Variants in THSD7B observed in about 807,000 individuals in gnomAD.
THSD7B encodes the protein thrombospondin type 1 domain containing 7B, also known as thrombospondin type-1 domain-containing protein 7B.
In THSD7B, 138 loss-of-function variants were observed where a neutral mutation model predicts 213.6. The ratio of observed to expected loss-of-function variants is 0.65; its 90% CI spans 0.56 to 0.74. The LOEUF (loss-of-function observed/expected upper bound fraction) is 0.74. Among genes scored for constraint, THSD7B ranks in the 30% least tolerant of loss-of-function variants. The pLI, the probability that THSD7B is intolerant of heterozygous loss-of-function variation, is 0.00. For synonymous variants in THSD7B, 742 were observed against 687.0 expected, an observed-to-expected ratio of 1.08 and a Z score of -1.25; for missense variants, 1,931 against 1,991.5, an observed-to-expected ratio of 0.97 and a Z score of 0.58.
rs183978801 is a variant in THSD7B at position 137,201,065 on chromosome 2, A to G, written c.1724-29979A>G. ...ATTTTCAAACAGCATTGTTTCCAAG[A>G]TTCATCCAGGTTGAACAGTAGTTTT... is the stretch of plus-strand genomic sequence containing the variant. On this transcript the variant is annotated intron_variant, in intron 7 of 27. Transcript: ENST00000409968. 2.0e-3 allele frequency among the ~76,000 whole-genome samples: 304 copies of G among 152,280 alleles called. 3 individuals carry two copies. The highest frequency in any genetic ancestry group is 6.8e-3 in the Middle Eastern group (2 of 294).
chr2:137,357,693 G>A (rs1370777906), intron 12 of THSD7B, among the ~76,000 whole-genome samples: 1 of 152,116 alleles, frequency 6.6e-6, no homozygotes, highest in East Asian at 1.9e-4. Flanking sequence ...TCTCTTTTGA[G>A]GACAATGCAT....
intron 10 of THSD7B, among the ~76,000 whole-genome samples, chr2:137,243,798 G>A (rs553880879): frequency 3.9e-5 from 6 of 152,186 alleles, no homozygotes; most frequent in Admixed American, 2.6e-4. Context: ...CCAGCACAAA[G>A]TTTTATAACT....
intron 15 of THSD7B, among the ~76,000 whole-genome samples, chr2:137,488,414 T>G (rs577918484): frequency 2.6e-5 from 4 of 152,314 alleles, no homozygotes; most frequent in African/African-American, 9.6e-5. Flanking sequence ...ATATGTGTCT[T>G]TTATGAGAAA....
In THSD7B at chr2:137,209,127, G is replaced by A. The variant is rs552074564; in HGVS notation, c.1724-21917G>A. 9.2e-5 allele frequency among the ~76,000 whole-genome samples: 14 copies of A among 152,120 alleles called. No homozygotes were observed. In the East Asian group the frequency reaches 2.7e-3, roughly 30 times the overall value. On this transcript the variant is annotated intron_variant, in intron 7 of 27. Coordinates refer to ENST00000409968, the MANE Select transcript of THSD7B (RefSeq NM_001316349.2). ...CAGTTTATTCCCAGGAATGACCAAG[G>A]ACAGCTTGGAGGTTAGAAGCAAGAT...
intron 2 of THSD7B, among the ~76,000 whole-genome samples, chr2:137,020,081 A>C (rs1409567581): frequency 6.6e-6 from 1 of 152,174 alleles, no homozygotes; most frequent in Non-Finnish European, 1.5e-5. Context: ...CTGTTATTAT[A>C]ACTAGCTATG....
At chr2:136,964,058 G>A (rs1345791338) in intron 2 of THSD7B, among the ~76,000 whole-genome samples, 1 of 152,134 alleles carries the variant, frequency 6.6e-6, no homozygotes, top group Non-Finnish European at 1.5e-5. Flanking sequence ...AAGAGTACAC[G>A]ATTTTTGTTG....
chr2:137,234,933 A>T (rs1681731907), intron 9 of THSD7B, among the ~76,000 whole-genome samples: 1 of 152,186 alleles, frequency 6.6e-6, no homozygotes, highest in East Asian at 1.9e-4. Flanking sequence ...ACTCTACATT[A>T]TTAGCAGTGT....
chr2:137,460,076 A>C (rs550481847), intron 15 of THSD7B, among the ~76,000 whole-genome samples: 20 of 152,280 alleles, frequency 1.3e-4, no homozygotes, highest in African/African-American at 4.8e-4. Flanking sequence ...CCTTGTCTGC[A>C]TGATACCATA....
At chr2:136,901,822 T>C (rs1684068809) in intron 2 of THSD7B, among the ~76,000 whole-genome samples, 1 of 152,248 alleles carries the variant, frequency 6.6e-6, no homozygotes, top group Non-Finnish European at 1.5e-5. Context: ...AAGCCAGCGA[T>C]GCATTAAAAG....
chr2:137,374,082 T>C (rs1048919994), intron 12 of THSD7B, among the ~76,000 whole-genome samples: 1 of 151,780 alleles, frequency 6.6e-6, no homozygotes, highest in African/African-American at 2.4e-5. Flanking sequence ...ACCAGTACCA[T>C]GCAATACTCT....
At position 137,676,647 on chromosome 2, in the gene THSD7B, C is replaced by G. The variant is rs373637940; in HGVS notation, c.*42C>G. ...AAATGTAGACATCAACTGCCTTAAC[C>G]GCTTTCTCTTTTGTAGCTCTCAGAC... is the stretch of plus-strand genomic sequence containing the variant. On this transcript the variant is annotated 3_prime_UTR_variant, in exon 28 of 28. Coordinates refer to ENST00000409968, the MANE Select transcript of THSD7B (RefSeq NM_001316349.2). The G allele has an allele frequency of 2.0e-6, 3 of 1,496,624 alleles. No homozygotes were observed. In the African/African-American group the frequency reaches 4.3e-5, roughly 21 times the overall value. The allele number at this position is 1,496,624 out of a possible 1,614,324, so 92.7% of individuals were successfully genotyped here.
rs1351623040 is a variant in THSD7B at position 137,189,801 on chromosome 2, A to C, written c.1723+18863A>C. Among the ~76,000 whole-genome samples the C allele has an allele frequency of 2.0e-5, 3 of 152,016 alleles. No individual in the cohort carries two copies. The East Asian group carries it at 5.8e-4, about 29-fold the overall frequency. Reference sequence around the variant, plus strand: ...TCCCTTCTCTCATCTGCTATTTCACACAAACTTCTTACTGCATGGCTTCAC... The same window carrying C: ...TCCCTTCTCTCATCTGCTATTTCACCCAAACTTCTTACTGCATGGCTTCAC... On this transcript the variant is annotated intron_variant, in intron 7 of 27. Coordinates refer to ENST00000409968, the MANE Select transcript of THSD7B (RefSeq NM_001316349.2).
chr2:137,498,830 T>A (rs1573664630), intron 15 of THSD7B, among the ~76,000 whole-genome samples: 1 of 152,118 alleles, frequency 6.6e-6, no homozygotes, highest in East Asian at 1.9e-4. Flanking sequence ...GAGGCCTAAG[T>A]GAGAGTGAGC....
At chr2:137,395,588 C>T (rs1686159571) in intron 12 of THSD7B, among the ~76,000 whole-genome samples, 1 of 152,128 alleles carries the variant, frequency 6.6e-6, no homozygotes, top group South Asian at 2.1e-4. Context: ...AGGATTTTTG[C>T]ATCAATGTTC....
chr2:136,848,909 A>G (rs1293895217), intron 1 of THSD7B, among the ~76,000 whole-genome samples: 1 of 152,086 alleles, frequency 6.6e-6, no homozygotes, highest in Non-Finnish European at 1.5e-5. Context: ...AATAATTTTG[A>G]CAGCAACAAT....
intron 12 of THSD7B, among the ~76,000 whole-genome samples, chr2:137,381,221 C>G (rs141903459): frequency 1.2e-3 from 180 of 152,290 alleles, no homozygotes; most frequent in African/African-American, 4.2e-3. Context: ...TGGTAGAAAC[C>G]TGGGTGGCAG....
At chr2:137,091,370 T>G (rs1279320438) in intron 3 of THSD7B, among the ~76,000 whole-genome samples, 1 of 152,212 alleles carries the variant, frequency 6.6e-6, no homozygotes, top group Non-Finnish European at 1.5e-5. Context: ...GAAATCAATC[T>G]TGGAAATTGA....
chr2:137,667,939 A>T, intron 27 of THSD7B, 78 bp downstream of exon 27: 7 of 1,166,374 alleles, frequency 6.0e-6, no homozygotes, highest in Non-Finnish European at 7.2e-6. Context: ...GTATCTCAGG[A>T]TCATTGCCCA....
At chr2:137,471,992 T>C (rs1421088423) in intron 15 of THSD7B, among the ~76,000 whole-genome samples, 1 of 152,202 alleles carries the variant, frequency 6.6e-6, no homozygotes, top group Non-Finnish European at 1.5e-5. Context: ...TGGTGGGTTT[T>C]AAGAAAGTGG....
Sources: allele counts gnomAD v4.1 joint callset (sites outside exome capture counted in the v4.1 genomes callset), GRCh38; gene constraint gnomAD v4.1.1; transcripts MANE v1.5; gene names NCBI Gene and HGNC (gene_info 2026-07-23, HGNC 2026-07-21).